ATRNL1: variants seen among roughly 807,000 people sequenced by gnomAD.
ATRNL1 encodes the protein attractin like 1.
Under a neutral mutation model 182.7 loss-of-function variants are expected in ATRNL1, and 95 were observed. The observed-to-expected ratio is 0.52, with a 90% CI of 0.44 to 0.62. The LOEUF is 0.62. Among genes scored for constraint, ATRNL1 ranks in the 20% least tolerant of loss-of-function variants. The pLI is 0.00. For synonymous variants in ATRNL1, 576 were observed against 568.3 expected (o/e 1.01, Z -0.19); for missense variants, 1,471 against 1,679.5 (o/e 0.88, Z 2.17).
intron 22 of ATRNL1, among the ~76,000 whole-genome samples, chr10:115,465,743 C>G (rs189912400): frequency 1.3e-5 from 2 of 151,628 alleles, no homozygotes; most frequent in Non-Finnish European, 3.0e-5. Flanking sequence ...TTGACTACTT[C>G]AAATTCTCAG....
intron 28 of ATRNL1, among the ~76,000 whole-genome samples, chr10:115,902,301 T>G (rs1555113687): frequency 6.6e-6 from 1 of 152,202 alleles, no homozygotes; most frequent in African/African-American, 2.4e-5. Context: ...ATGTACTTTT[T>G]TATGTGTTTG....
At chr10:115,820,068 A>G (rs1311834993) in intron 27 of ATRNL1, 1 of 152,102 alleles carries the variant, frequency 6.6e-6, no homozygotes, top group Non-Finnish European at 1.5e-5. Flanking sequence ...ATACGGCTCA[A>G]TATTAGGCTG....
chr10:115,917,917 C>A (rs1041483834), intron 28 of ATRNL1, among the ~76,000 whole-genome samples: 1 of 152,026 alleles, frequency 6.6e-6, no homozygotes, highest in Non-Finnish European at 1.5e-5. Context: ...GGTTGATTGG[C>A]TTTTCTTATG....
chr10:115,345,277 A>T (rs1855925157), intron 19 of ATRNL1, among the ~76,000 whole-genome samples: 1 of 152,190 alleles, frequency 6.6e-6, no homozygotes, highest in Non-Finnish European at 1.5e-5. Flanking sequence ...TGAAGTTCAG[A>T]CTGCTAGGAT....
chr10:115,416,561 G>A (rs540358632), intron 20 of ATRNL1, among the ~76,000 whole-genome samples: 1 of 152,002 alleles, frequency 6.6e-6, no homozygotes, highest in East Asian at 1.9e-4. Flanking sequence ...AGGTGGTGTT[G>A]GTTTGTTTTT....
intron 1 of ATRNL1, among the ~76,000 whole-genome samples, chr10:115,116,742 C>T (rs11197068): frequency 5.9e-5 from 9 of 152,044 alleles, no homozygotes; most frequent in African/African-American, 7.2e-5. Context: ...TTGGTGACAT[C>T]CTCCCATGCT....
At chr10:115,168,929 A>G (rs1554884903) in intron 7 of ATRNL1, among the ~76,000 whole-genome samples, 1 of 151,020 alleles carries the variant, frequency 6.6e-6, no homozygotes, top group African/African-American at 2.4e-5. Flanking sequence ...TTTTCTTTTA[A>G]GAGTTTTATA....
At chr10:115,413,199 A>G (rs894093091) in intron 20 of ATRNL1, among the ~76,000 whole-genome samples, 2 of 152,090 alleles carry the variant, frequency 1.3e-5, no homozygotes, top group Non-Finnish European at 2.9e-5. Flanking sequence ...TATCCTTTGT[A>G]ATGAGATATT....
At chr10:115,564,352 A>G (rs1202175461) in intron 26 of ATRNL1, among the ~76,000 whole-genome samples, 1 of 151,994 alleles carries the variant, frequency 6.6e-6, no homozygotes, top group Non-Finnish European at 1.5e-5. Flanking sequence ...AGGGCAGTCA[A>G]TCAAAGCTTG....
chr10:115,924,292 CTTTTGACATTTCTGTCATGAAGTT>C (rs1953153731), intron 28 of ATRNL1, among the ~76,000 whole-genome samples: 1 of 151,884 alleles, frequency 6.6e-6, no homozygotes, highest in Non-Finnish European at 1.5e-5. Flanking sequence ...GTTACAATTG[CTTTTGACATTTCTGTCATGAAGTT>C]TTTTCCCATG....
At chr10:115,871,903 A>ATAAT (rs1312862595) in intron 28 of ATRNL1, among the ~76,000 whole-genome samples, 3 of 152,136 alleles carry the variant, frequency 2.0e-5, no homozygotes, top group Non-Finnish European at 4.4e-5. Flanking sequence ...TTCTAATCAA[A>ATAAT]TAATTTAAAC....
chr10:115,915,771 G>A (rs372928841), intron 28 of ATRNL1, among the ~76,000 whole-genome samples: 2 of 152,146 alleles, frequency 1.3e-5, no homozygotes, highest in South Asian at 2.1e-4. Flanking sequence ...AGGATCATGC[G>A]TTAATGTCTA....
chr10:115,141,799 C>G (rs1055600259), intron 5 of ATRNL1, among the ~76,000 whole-genome samples: 3 of 152,046 alleles, frequency 2.0e-5, no homozygotes, highest in African/African-American at 7.2e-5. Context: ...TTAAATTCTT[C>G]CCACTTAGCA....
intron 14 of ATRNL1, among the ~76,000 whole-genome samples, chr10:115,284,288 C>A (rs902951011): frequency 6.6e-6 from 1 of 152,104 alleles, no homozygotes; most frequent in Non-Finnish European, 1.5e-5. Context: ...TGTCAATGAA[C>A]TATTTTTGTT....
At chr10:115,683,578 A>G (rs1555045415) in intron 26 of ATRNL1, among the ~76,000 whole-genome samples, 1 of 126,872 alleles carries the variant, frequency 7.9e-6, no homozygotes, top group African/African-American at 2.7e-5. Flanking sequence ...TGCCTAATAT[A>G]TTTAACACCT....
At chr10:115,910,552 C>A (rs1589680681) in intron 28 of ATRNL1, among the ~76,000 whole-genome samples, 1 of 152,130 alleles carries the variant, frequency 6.6e-6, no homozygotes, top group African/African-American at 2.4e-5. Flanking sequence ...TCCTAGCCGG[C>A]TGCCACACCC....
intron 16 of ATRNL1, among the ~76,000 whole-genome samples, chr10:115,301,140 T>G (rs1853446345): frequency 6.6e-6 from 1 of 152,218 alleles, no homozygotes; most frequent in African/African-American, 2.4e-5. Flanking sequence ...TCCATTCATT[T>G]ATCAATGGAT....
At chr10:115,105,121 G>T (rs1211996558) in intron 1 of ATRNL1, among the ~76,000 whole-genome samples, 1 of 152,034 alleles carries the variant, frequency 6.6e-6, no homozygotes, top group Non-Finnish European at 1.5e-5. Context: ...GGATTGCCTT[G>T]AATCTGTAGA....
chr10:115,620,296 G>A (rs567489894), intron 26 of ATRNL1, among the ~76,000 whole-genome samples: 30 of 152,170 alleles, frequency 2.0e-4, no homozygotes, highest in Middle Eastern at 3.4e-3. Context: ...ACACCAAGCC[G>A]TTCATGAAGG....
Sources: allele counts gnomAD v4.1 joint callset (sites outside exome capture counted in the v4.1 genomes callset), GRCh38; gene constraint gnomAD v4.1.1; transcripts MANE v1.5; gene names NCBI Gene and HGNC (gene_info 2026-07-23, HGNC 2026-07-21).